Variants in RBM6 observed in about 807,000 individuals in gnomAD.
RBM6 encodes the protein RNA binding motif protein 6, also known as RNA-binding protein 6.
In RBM6, 23 loss-of-function variants were observed where a neutral mutation model predicts 140.4. The ratio of observed to expected loss-of-function variants is 0.16; its 90% CI spans 0.12 to 0.23. The LOEUF (loss-of-function observed/expected upper bound fraction) is 0.23. Among genes scored for constraint, RBM6 ranks in the 10% least tolerant of loss-of-function variants. The probability of loss-of-function intolerance (pLI) is 1.00; values close to 1 mark genes in which losing one functional copy is unlikely to be tolerated. For missense variants in RBM6, 1,139 were observed against 1,386.7 expected (o/e 0.82, Z 2.84); for synonymous variants, 439 against 475.6 (o/e 0.92, Z 1.00).
At chr3:49,972,197 AAAACC>A in intron 4 of RBM6, 49 bp downstream of exon 4, 1 of 1,424,944 alleles carries the variant, frequency 7.0e-7, no homozygotes, top group Non-Finnish European at 9.7e-7. Context: ...AAAAATTAAA[AAAACC>A]TTTTAATTTG....
chr3:49,995,499 G>A (rs1407936220), intron 5 of RBM6, among the ~76,000 whole-genome samples: 4 of 150,858 alleles, frequency 2.7e-5, no homozygotes, highest in Non-Finnish European at 2.9e-5. Flanking sequence ...AGCCGAGATT[G>A]TGTGCCATTG....
intron 5 of RBM6, among the ~76,000 whole-genome samples, chr3:49,981,927 T>C (rs1371265442): frequency 6.6e-6 from 1 of 152,212 alleles, no homozygotes; most frequent in Non-Finnish European, 1.5e-5. Context: ...TGATACAGCT[T>C]CTGGATTATG....
At chr3:50,072,181 G>A (rs1329522478) in intron 19 of RBM6, among the ~76,000 whole-genome samples, 3 of 151,358 alleles carry the variant, frequency 2.0e-5, no homozygotes, top group African/African-American at 7.3e-5. Flanking sequence ...GCTGAGGCAG[G>A]TGGATCACTT....
intron 1 of RBM6, among the ~76,000 whole-genome samples, chr3:49,953,656 A>G (rs1017189802): frequency 2.6e-5 from 4 of 151,460 alleles, no homozygotes; most frequent in Middle Eastern, 3.4e-3. Context: ...AGTAGCTGGG[A>G]TTGCAGGCAT....
Position 49,967,180 on chromosome 3 carries a change from G to A in RBM6, c.45-290G>A, listed in dbSNP as rs1312290710. The A allele has an allele frequency of 7.1e-6, 8 of 1,132,634 alleles. No individual in the cohort carries two copies. Among genetic ancestry groups the A allele is most frequent in the Middle Eastern group, 3.8e-4 (1 of 2,636 alleles). 70.2% of individuals were successfully genotyped at this position (1,132,634 alleles called of 1,614,324 possible). On this transcript the variant is annotated intron_variant, in intron 2 of 20. Coordinates refer to ENST00000266022, the MANE Select transcript of RBM6 (RefSeq NM_005777.3). This position sits in a 1 kb window ranked among gnomAD's most constrained non-coding sequence, Gnocchi z 4.0. ...CCATTGTTAGCTTATTTGGTATTGC[G>A]GATTTTCCCTGTTGCAGGACTGGGT...
intron 5 of RBM6, 25 bp from the exon 6 acceptor site, chr3:49,999,415 G>A (rs764883531): frequency 1.0e-5 from 16 of 1,594,838 alleles, no homozygotes; most frequent in South Asian, 5.5e-5. Flanking sequence ...CACCACTCCC[G>A]TCTGTATTTA....
chr3:50,033,976 T>C (rs1270803026), intron 6 of RBM6, among the ~76,000 whole-genome samples: 1 of 152,146 alleles, frequency 6.6e-6, no homozygotes, highest in Non-Finnish European at 1.5e-5. Context: ...TCCTAAACCT[T>C]ATTATACATA....
chr3:49,984,621 G>A (rs62262140), intron 5 of RBM6, among the ~76,000 whole-genome samples: 611 of 39,138 alleles, frequency 0.016, 7 homozygotes, highest in African/African-American at 0.019. Context: ...ACATCGCATC[G>A]CATCGCATCG....
intron 5 of RBM6, among the ~76,000 whole-genome samples, chr3:49,995,537 C>T (rs1436234663): frequency 6.8e-6 from 1 of 147,508 alleles, no homozygotes; most frequent in Non-Finnish European, 1.5e-5. Flanking sequence ...CAAAGCAAGA[C>T]TCTGTCTCAA....
At chr3:49,948,450 G>C (rs1170217538) in intron 1 of RBM6, among the ~76,000 whole-genome samples, 1 of 152,116 alleles carries the variant, frequency 6.6e-6, no homozygotes, top group African/African-American at 2.4e-5. Context: ...CTTGAGGCCT[G>C]GTGCTGTGGC....
intron 7 of RBM6, among the ~76,000 whole-genome samples, chr3:50,049,172 G>C (rs1323695678): frequency 6.6e-6 from 1 of 151,636 alleles, no homozygotes; most frequent in Non-Finnish European, 1.5e-5. Flanking sequence ...GCAGTGGCGC[G>C]ATCTCAGCTC....
At chr3:49,957,310 CTTTTTTTT>C (rs888900457) in intron 1 of RBM6, among the ~76,000 whole-genome samples, 10 of 141,448 alleles carry the variant, frequency 7.1e-5, no homozygotes, top group African/African-American at 2.1e-4. Context: ...TTCTTTCTTT[CTTTTTTTT>C]TTTTTTTGAA....
intron 6 of RBM6, among the ~76,000 whole-genome samples, chr3:50,023,242 T>C (rs1177783224): frequency 6.6e-6 from 1 of 152,182 alleles, no homozygotes; most frequent in African/African-American, 2.4e-5. Flanking sequence ...TTCTTTCTTC[T>C]TTTTCTGTTT....
intron 6 of RBM6, among the ~76,000 whole-genome samples, chr3:50,033,373 G>A (rs190916261): frequency 1.8e-4 from 28 of 152,222 alleles, no homozygotes; most frequent in Admixed American, 1.7e-3. Context: ...ATAATCTTGA[G>A]CTCCTGAAAC....
Position 49,962,582 on chromosome 3 carries a change from C to T in RBM6, c.-60C>T. ...TGTGGTTTATTTTGTACAGGTACTG[C>T]TATAACCAGAATTTGGTAGAAAAAG... is the stretch of plus-strand genomic sequence containing the variant. On this transcript the variant is annotated 5_prime_UTR_variant, in exon 2 of 21. Coordinates refer to ENST00000266022, the MANE Select transcript of RBM6 (RefSeq NM_005777.3). 1 of 1,476,090 alleles carries T rather than the reference C, an allele frequency of 6.8e-7. No homozygotes were observed. The highest frequency in any genetic ancestry group is 9.3e-7 in the Non-Finnish European group (1 of 1,077,886). The allele number at this position is 1,476,090 out of a possible 1,614,324, so 91.4% of individuals were successfully genotyped here.
At chr3:49,972,925 A>G (rs926831326) in intron 4 of RBM6, among the ~76,000 whole-genome samples, 2 of 151,436 alleles carry the variant, frequency 1.3e-5, no homozygotes, top group African/African-American at 4.9e-5. Context: ...CCACCTCCCC[A>G]GTTCAAGCAG....
At chr3:50,075,166 A>G in intron 19 of RBM6, 35 bp from the exon 20 acceptor site, 1 of 1,583,364 alleles carries the variant, frequency 6.3e-7, no homozygotes, top group South Asian at 1.2e-5. Flanking sequence ...CAAAAAAAAA[A>G]AAAAAGGAAG....
intron 6 of RBM6, among the ~76,000 whole-genome samples, chr3:50,018,343 T>C (rs1375157004): frequency 6.6e-6 from 1 of 152,186 alleles, no homozygotes; most frequent in East Asian, 1.9e-4. Flanking sequence ...CATTCCTCTA[T>C]GTCTTTTTGT....
intron 6 of RBM6, among the ~76,000 whole-genome samples, chr3:50,013,678 T>G (rs2086971670): frequency 6.6e-6 from 1 of 152,038 alleles, no homozygotes; most frequent in South Asian, 2.1e-4. Flanking sequence ...AATATGTTCT[T>G]CCATGAGACA....
Sources: allele counts gnomAD v4.1 joint callset (sites outside exome capture counted in the v4.1 genomes callset), GRCh38; gene constraint gnomAD v4.1.1; non-coding constraint Gnocchi (gnomAD v3.1); transcripts MANE v1.5; gene names NCBI Gene and HGNC (gene_info 2026-07-23, HGNC 2026-07-21).